The following COL4A6 variants were observed in gnomAD, a reference collection of about 807,000 sequenced individuals.
COL4A6 encodes the protein collagen type IV alpha 6 chain.
In COL4A6, 59 loss-of-function variants were observed where a neutral mutation model predicts 126.7. That is an observed-to-expected ratio of 0.47 (90% CI 0.38 to 0.58). COL4A6 has a LOEUF of 0.58. Among genes scored for constraint, COL4A6 ranks in the 20% least tolerant of loss-of-function variants. The pLI, the probability that COL4A6 is intolerant of heterozygous loss-of-function variation, is 0.00. For missense variants in COL4A6, 1,285 were observed against 1,337.3 expected (o/e 0.96, Z 0.61); for synonymous variants, 547 against 496.6 (o/e 1.10, Z -1.35).
intron 3 of COL4A6, among the ~76,000 whole-genome samples, chrX:108,240,955 C>A (rs1273720266): frequency 9.0e-6 from 1 of 110,639 alleles, no homozygotes; most frequent in Non-Finnish European, 1.9e-5. Context: ...GAAACAGAAA[C>A]AAATGGAGTT....
intron 2 of COL4A6, among the ~76,000 whole-genome samples, chrX:108,346,068 C>A (rs781234790): frequency 3.5e-4 from 39 of 111,297 alleles, no homozygotes; most frequent in African/African-American, 1.2e-3. Flanking sequence ...CCCCACACAC[C>A]GTGGCACCAA....
At position 108,157,174 on chromosome X, in the gene COL4A6, G is replaced by A. The variant is rs1384376976; in HGVS notation, c.4899C>T (p.Ile1633=). ...AGGTGCCTCGGGCACCACTGCATTC[G>A]ATGAAAGGAGTGGCCCGAAAGTCCT... The part of the protein sequence containing the change: ...CLEDFRATPF[I]ECSGARGTCH... Residue 1633 remains isoleucine (I), a synonymous_variant, in exon 45 of 45, where the codon ATC becomes ATT. Transcript: ENST00000334504. The A allele has an allele frequency of 7.4e-6, 9 of 1,210,427 alleles. No individual in the cohort carries two copies. The highest frequency in any genetic ancestry group is 1.0e-5 in the Non-Finnish European group (9 of 895,257).
At chrX:108,306,844 T>C (rs1344093626) in intron 3 of COL4A6, among the ~76,000 whole-genome samples, 1 of 111,466 alleles carries the variant, frequency 9.0e-6, no homozygotes, top group African/African-American at 3.3e-5. Flanking sequence ...TCTGTGATAA[T>C]GCTTCTTTAG....
intron 27 of COL4A6, among the ~76,000 whole-genome samples, chrX:108,177,250 G>T (rs981193446): frequency 1.8e-5 from 2 of 112,487 alleles, no homozygotes; most frequent in Non-Finnish European, 3.8e-5. Context: ...ACATTAGCTG[G>T]CAGGGAGAGC....
intron 3 of COL4A6, among the ~76,000 whole-genome samples, chrX:108,242,910 A>C (rs2036611495): frequency 8.9e-6 from 1 of 111,800 alleles, no homozygotes; most frequent in Admixed American, 9.5e-5. Context: ...CATAGCATAT[A>C]AAAAGCTCAC....
intron 2 of COL4A6, among the ~76,000 whole-genome samples, chrX:108,358,712 A>AT (rs2040013395): frequency 9.0e-6 from 1 of 111,506 alleles, no homozygotes; most frequent in East Asian, 2.8e-4. Flanking sequence ...ACTTTTAAAA[A>AT]TTTTTCTCTT....
chrX:108,378,574 C>T (rs1035564110), intron 2 of COL4A6, among the ~76,000 whole-genome samples: 11 of 112,512 alleles, frequency 9.8e-5, no homozygotes, highest in African/African-American at 3.6e-4. Context: ...GCCAGCTTCA[C>T]TTGACGTTAG....
At chrX:108,269,459 C>CT (rs2037393297) in intron 3 of COL4A6, among the ~76,000 whole-genome samples, 1 of 111,505 alleles carries the variant, frequency 9.0e-6, no homozygotes, top group Non-Finnish European at 1.9e-5. Context: ...CTCAGAGATA[C>CT]TAGCTCAAAT....
chrX:108,221,520 G>T, intron 3 of COL4A6, 146 bp from the exon 4 acceptor site: 1 of 612,624 alleles, frequency 1.6e-6, no homozygotes, highest in Non-Finnish European at 2.5e-6. Flanking sequence ...TTCCAGACAC[G>T]GATCAGAAAA....
chrX:108,213,764 G>A (rs1395660045), intron 6 of COL4A6: 2 of 176,743 alleles, frequency 1.1e-5, no homozygotes, highest in African/African-American at 6.2e-5. Flanking sequence ...TCCCATATAA[G>A]TCTTCCAAAC....
At chrX:108,419,894 G>C (rs1286287062) in intron 2 of COL4A6, among the ~76,000 whole-genome samples, 1 of 112,245 alleles carries the variant, frequency 8.9e-6, no homozygotes, top group Non-Finnish European at 1.9e-5. Flanking sequence ...AGCAAAAAAA[G>C]ACCATGGTCT....
intron 12 of COL4A6, among the ~76,000 whole-genome samples, 187 bp downstream of exon 12, chrX:108,204,133 A>G (rs2035473064): frequency 8.9e-6 from 1 of 112,112 alleles, no homozygotes. Context: ...AAACATACTC[A>G]GCCTTTTAAG....
chrX:108,417,984 G>A (rs760593468), intron 2 of COL4A6, among the ~76,000 whole-genome samples: 4 of 112,095 alleles, frequency 3.6e-5, no homozygotes, highest in Non-Finnish European at 7.5e-5. Context: ...TTCAACCTGA[G>A]TAAGAGTGAA....
Position 108,311,766 on chromosome X carries a change from C to T in COL4A6, c.64-938G>A, listed in dbSNP as rs181343308. Among the ~76,000 whole-genome samples the T allele has an allele frequency of 6.5e-3, 732 of 111,808 alleles. 3 individuals are homozygous for T. Among genetic ancestry groups the T allele is most frequent in the Non-Finnish European group, 0.011 (589 of 53,207 alleles). On this transcript the variant is annotated intron_variant, in intron 2 of 44. Coordinates refer to ENST00000334504, the MANE Select transcript of COL4A6 (RefSeq NM_033641.4). The stretch of plus-strand genomic sequence containing the variant: ...ATTTCATTACCTTTTCATCGTTAGA[C>T]ATTCTCTTTACTCCTACTAGAATGT...
In COL4A6 at chrX:108,159,687, G is replaced by A. The variant is rs369032769; in HGVS notation, c.4587C>T (p.Asn1529=). 4.0e-5 allele frequency: 48 copies of A among 1,210,346 alleles called. No homozygotes were observed. The highest frequency in any genetic ancestry group is 2.6e-4 in the South Asian group (15 of 56,810). The change falls in exon 44 of 45, where the codon AAC becomes AAT. Residue 1529 remains asparagine (N), a synonymous_variant. Coordinates refer to ENST00000334504, the MANE Select transcript of COL4A6 (RefSeq NM_033641.4). ...STMPFIYCNI[N]EVCHYARRND... ...TGCGCCTGGCATAGTGGCACACCTC[G>A]TTGATGTTGCAGTAGATGAAGGGCA... is the stretch of plus-strand genomic sequence containing the variant.
intron 2 of COL4A6, among the ~76,000 whole-genome samples, chrX:108,371,256 C>A (rs917498940): frequency 2.7e-5 from 3 of 109,489 alleles, no homozygotes; most frequent in African/African-American, 1.0e-4. Flanking sequence ...AATGATAATT[C>A]ATCTTCCAGA....
chrX:108,205,678 A>G lies in COL4A6; in HGVS notation c.627T>C (p.Pro209=). ...TACTTACATCAGGACCAAGAGGACC[A>G]GGAGGCCCTGGAGGACCCTAGATTT... ...PPGLQGPPGP[P]GPLGPDGNMG... Residue 209 remains proline, a synonymous_variant, in exon 10 of 45, where the codon CCT becomes CCC. Transcript: ENST00000334504. 1.7e-6 allele frequency: 2 copies of G among 1,209,094 alleles called. No individual in the cohort carries two copies. The highest frequency in any genetic ancestry group is 2.2e-6 in the Non-Finnish European group (2 of 893,891).
intron 3 of COL4A6, among the ~76,000 whole-genome samples, chrX:108,310,422 G>C: frequency 8.9e-6 from 1 of 111,952 alleles, no homozygotes; most frequent in Admixed American, 9.4e-5. Flanking sequence ...AGAATCAAGT[G>C]AGCTATGAAA....
chrX:108,201,943 A>G (rs756320578), intron 13 of COL4A6, among the ~76,000 whole-genome samples: 1 of 111,967 alleles, frequency 8.9e-6, no homozygotes, highest in African/African-American at 3.2e-5. Flanking sequence ...AAGGTAGCCA[A>G]GATCTGGTTC....
Sources: gnomAD v4.1 joint callset for allele counts (sites outside exome capture counted in the v4.1 genomes callset) on GRCh38, gnomAD v4.1.1 for gene constraint, MANE v1.5 for transcripts, NCBI Gene and HGNC (gene_info 2026-07-23, HGNC 2026-07-21) for gene names.